The following PCDHA3 variants were observed in gnomAD, a reference collection of about 807,000 sequenced individuals.
The protein encoded by PCDHA3 is protocadherin alpha 3, also known as protocadherin alpha-3.
PCDHA3 carries 41 observed loss-of-function variants against 62.2 expected under a neutral mutation model. The ratio of observed to expected loss-of-function variants is 0.66; its 90% CI spans 0.51 to 0.86. The LOEUF (loss-of-function observed/expected upper bound fraction) is 0.86, where lower values mean the gene tolerates loss of function less well. Ranked by LOEUF, PCDHA3 falls within the 40% of genes least tolerant of loss-of-function variation. PCDHA3 has a pLI of 0.00. For synonymous variants in PCDHA3, 640 were observed against 555.4 expected, an observed-to-expected ratio of 1.15 and a Z score of -2.14; for missense variants, 1,304 against 1,241.2, an observed-to-expected ratio of 1.05 and a Z score of -0.76.
At chr5:140,931,008 A>G (rs1554208204) in intron 1 of PCDHA3, among the ~76,000 whole-genome samples, 2 of 152,224 alleles carry the variant, frequency 1.3e-5, no homozygotes, top group African/African-American at 2.4e-5. Flanking sequence ...ATAACATAAC[A>G]GAGGAATTTT....
chr5:141,009,494 A>G (rs1554262180), intron 3 of PCDHA3, 133 bp from the exon 4 acceptor site: 16 of 1,488,800 alleles, frequency 1.1e-5, no homozygotes, highest in Non-Finnish European at 1.4e-5. Flanking sequence ...TTGCCCTCAG[A>G]CTTGAACAAA....
intron 1 of PCDHA3, chr5:140,871,054 A>G: frequency 6.2e-7 from 1 of 1,613,204 alleles, no homozygotes. Flanking sequence ...AGTACTGGTG[A>G]AGGATCACGG....
intron 1 of PCDHA3, chr5:140,877,065 G>T (rs782807909): frequency 6.2e-7 from 1 of 1,613,044 alleles, no homozygotes; most frequent in Non-Finnish European, 8.5e-7. Flanking sequence ...TGGAGCTGCT[G>T]CAGTTCCAGG....
At chr5:140,940,547 C>G (rs1256617271) in intron 1 of PCDHA3, among the ~76,000 whole-genome samples, 1 of 152,018 alleles carries the variant, frequency 6.6e-6, no homozygotes, top group Admixed American at 6.6e-5. Flanking sequence ...TTCCTGGGCT[C>G]AAGTGATTCT....
intron 1 of PCDHA3, among the ~76,000 whole-genome samples, chr5:140,895,900 G>A (rs540029399): frequency 1.3e-3 from 196 of 152,038 alleles, no homozygotes; most frequent in African/African-American, 4.6e-3. Context: ...CAACCTCCGC[G>A]TCCCGGGCTC....
intron 3 of PCDHA3, among the ~76,000 whole-genome samples, chr5:140,996,992 T>A (rs565740982): frequency 3.9e-5 from 6 of 152,324 alleles, no homozygotes; most frequent in African/African-American, 1.4e-4. Flanking sequence ...CAACCACTGT[T>A]AACAATTTTG....
chr5:140,918,991 G>A (rs1453656237), intron 1 of PCDHA3, among the ~76,000 whole-genome samples: 2 of 152,184 alleles, frequency 1.3e-5, no homozygotes, highest in African/African-American at 4.8e-5. Flanking sequence ...GGTTTTTAGT[G>A]TTGTTCACAT....
chr5:140,927,796 C>T, intron 1 of PCDHA3: 1 of 1,614,202 alleles, frequency 6.2e-7, no homozygotes, highest in South Asian at 1.1e-5. Context: ...ACTAGGTCCG[C>T]CTGAAACGCT....
At chr5:140,997,406 C>T (rs2097769706) in intron 3 of PCDHA3, among the ~76,000 whole-genome samples, 1 of 152,094 alleles carries the variant, frequency 6.6e-6, no homozygotes, top group Admixed American at 6.6e-5. Flanking sequence ...TATCGTATGG[C>T]CTATTTCTCC....
rs2153592349 is a variant in PCDHA3 at position 140,927,874 on chromosome 5, G to A, written c.2395-51075G>A. 1.9e-6 allele frequency: 3 copies of A among 1,614,102 alleles called. No individual in the cohort carries two copies. The East Asian group carries it at 6.7e-5, about 36-fold the overall frequency. Reference sequence around the variant, plus strand: ...TTTAGCTAGCACCGCTAAACTGCTGGTGGAGGTGACTGACGTGAACGATCA... The same window carrying A: ...TTTAGCTAGCACCGCTAAACTGCTGATGGAGGTGACTGACGTGAACGATCA... On this transcript the variant is annotated intron_variant, in intron 1 of 3. Coordinates refer to ENST00000522353, the MANE Select transcript of PCDHA3 (RefSeq NM_018906.3).
chr5:140,808,999 C>A (rs17844283), intron 1 of PCDHA3: 1 of 1,613,708 alleles, frequency 6.2e-7, no homozygotes. Flanking sequence ...CGGGCTACAA[C>A]GCGTGGCTTT....
intron 1 of PCDHA3, among the ~76,000 whole-genome samples, chr5:140,916,305 G>T (rs2077519382): frequency 1.3e-5 from 2 of 152,156 alleles, no homozygotes; most frequent in South Asian, 2.1e-4. Context: ...TGGTACCAAA[G>T]GTGCAAGACA....
intron 3 of PCDHA3, among the ~76,000 whole-genome samples, chr5:141,001,404 T>A (rs965496882): frequency 1.3e-4 from 20 of 152,072 alleles, no homozygotes; most frequent in African/African-American, 4.8e-4. Context: ...GAACAGGGAG[T>A]ATATTTTTAC....
chr5:140,966,520 C>T, intron 1 of PCDHA3: 1 of 437,694 alleles, frequency 2.3e-6, no homozygotes, highest in East Asian at 3.5e-5. Context: ...CAGCAGGAAG[C>T]CGAGCCGGGT....
chr5:140,869,552 C>G lies in PCDHA3; in HGVS notation c.2394+65961C>G, dbSNP rs537127263. ...ATTGCGGAATCTAAGCAATCGGACT[C>G]GCGTTTTCCACTAGAGGGAGCTTCT... On this transcript the variant is annotated intron_variant, in intron 1 of 3. Transcript: ENST00000522353. 12 of 1,614,022 alleles carry G rather than the reference C, an allele frequency of 7.4e-6. No homozygotes were observed. The African/African-American group carries it at 1.5e-4, about 20-fold the overall frequency.
chr5:140,868,063 C>T (rs1554161737), intron 1 of PCDHA3: 1 of 151,920 alleles, frequency 6.6e-6, no homozygotes, highest in African/African-American at 2.4e-5. Context: ...CAAAGATGTT[C>T]AGGGTGATTT....
In PCDHA3 at chr5:141,006,221, T is replaced by C. The variant is rs559314025; in HGVS notation, c.2543-3406T>C. Among the ~76,000 whole-genome samples, 485 of 152,162 alleles carry C rather than the reference T, an allele frequency of 3.2e-3. 7 individuals carry two copies. The highest frequency in any genetic ancestry group is 0.01 in the Middle Eastern group (3 of 294). On this transcript the variant is annotated intron_variant, in intron 3 of 3. Transcript: ENST00000522353. Reference sequence around the variant, plus strand: ...GTTATGCCTCATTTTTTTTTAAATTTTTTATTTTTAGATGGAGTCTTGCTC... The same window carrying C: ...GTTATGCCTCATTTTTTTTTAAATTCTTTATTTTTAGATGGAGTCTTGCTC...
chr5:140,957,792 T>C (rs148659760), intron 1 of PCDHA3, among the ~76,000 whole-genome samples: 1 of 152,230 alleles, frequency 6.6e-6, no homozygotes, highest in East Asian at 1.9e-4. Flanking sequence ...TCATCATATA[T>C]GTTAAGTAAA....
chr5:140,886,539 T>C (rs1463145945), intron 1 of PCDHA3, among the ~76,000 whole-genome samples: 6 of 152,154 alleles, frequency 3.9e-5, no homozygotes, highest in African/African-American at 1.4e-4. Context: ...GTTAGAAAGG[T>C]CTTCCCAGCT....
Sources: allele counts gnomAD v4.1 joint callset (sites outside exome capture counted in the v4.1 genomes callset), GRCh38; gene constraint gnomAD v4.1.1; transcripts MANE v1.5; gene names NCBI Gene and HGNC (gene_info 2026-07-23, HGNC 2026-07-21).